The following SH3D19 variants were observed in gnomAD, a reference collection of about 807,000 sequenced individuals.
SH3D19 encodes SH3 domain-containing protein 19.
SH3D19 carries 58 observed loss-of-function variants against 112.1 expected under a neutral mutation model. The observed-to-expected ratio is 0.52, with a 90% CI of 0.42 to 0.64. SH3D19 has a LOEUF of 0.64. Ranked by LOEUF, SH3D19 falls within the 30% of genes least tolerant of loss-of-function variation. SH3D19 has a pLI of 0.00. For synonymous variants in SH3D19, 391 were observed against 448.5 expected, an observed-to-expected ratio of 0.87 and a Z score of 1.62; for missense variants, 1,090 against 1,263.4, an observed-to-expected ratio of 0.86 and a Z score of 2.08.
chr4:151,139,216 C>T (rs192264043), intron 13 of SH3D19, among the ~76,000 whole-genome samples: 2 of 151,776 alleles, frequency 1.3e-5, no homozygotes, highest in East Asian at 3.9e-4. Context: ...TGCAGTGGCG[C>T]GATCTCAGCT....
intron 2 of SH3D19, among the ~76,000 whole-genome samples, chr4:151,190,496 G>A (rs112481837): frequency 0.015 from 2,243 of 152,284 alleles, 44 homozygotes; most frequent in African/African-American, 0.048. Flanking sequence ...TCCCTCTGCT[G>A]TGTGCACTCT....
intron 8 of SH3D19, among the ~76,000 whole-genome samples, chr4:151,160,174 C>A (rs540089317): frequency 2.6e-3 from 399 of 151,762 alleles, no homozygotes; most frequent in Non-Finnish European, 4.0e-3. Context: ...GTAAGCTCCG[C>A]CTCCTGAGTT....
Position 151,253,636 on chromosome 4 carries a change from G to A in SH3D19, c.113-27550C>T, listed in dbSNP as rs1165595892. On this transcript the variant is annotated intron_variant, in intron 1 of 19. Coordinates refer to ENST00000604030, the MANE Select transcript of SH3D19 (RefSeq NM_001378122.1). Reference sequence around the variant, plus strand: ...GGTGCCTGTAGTCTCAGCTACTCAGGAGGCTGACGCAGGAGAATGGTGTGA... The same window carrying A: ...GGTGCCTGTAGTCTCAGCTACTCAGAAGGCTGACGCAGGAGAATGGTGTGA... Among the ~76,000 whole-genome samples the A allele has an allele frequency of 3.3e-5, 5 of 152,132 alleles. No homozygotes were observed. In the East Asian group the frequency reaches 9.7e-4, roughly 29 times the overall value.
At chr4:151,196,102 G>C (rs1465441049) in intron 2 of SH3D19, among the ~76,000 whole-genome samples, 1 of 152,140 alleles carries the variant, frequency 6.6e-6, no homozygotes, top group Non-Finnish European at 1.5e-5. Context: ...CCTGGCAAGA[G>C]AAAGTAGGAC....
chr4:151,185,638 TCACCA>T (rs1245450801), intron 3 of SH3D19, among the ~76,000 whole-genome samples: 1 of 152,220 alleles, frequency 6.6e-6, no homozygotes, highest in Non-Finnish European at 1.5e-5. Context: ...TATTTATAGT[TCACCA>T]ATAAAGAAAA....
At chr4:151,177,678 C>G (rs1760161858) in intron 4 of SH3D19, among the ~76,000 whole-genome samples, 1 of 152,180 alleles carries the variant, frequency 6.6e-6, no homozygotes, top group South Asian at 2.1e-4. Context: ...AGTGCATACT[C>G]TGAAATGCAA....
intron 14 of SH3D19, among the ~76,000 whole-genome samples, chr4:151,136,137 C>G (rs1456637580): frequency 1.3e-5 from 2 of 152,054 alleles, no homozygotes; most frequent in African/African-American, 2.4e-5. Context: ...AGTGGCAACA[C>G]TTTGTTTTAT....
chr4:151,260,789 C>G (rs572834628), intron 1 of SH3D19, among the ~76,000 whole-genome samples: 3 of 152,178 alleles, frequency 2.0e-5, no homozygotes, highest in Non-Finnish European at 4.4e-5. Context: ...GACTGCCAAG[C>G]TCTTTCTCAC....
At chr4:151,321,368 C>T (rs1442905327) in intron 1 of SH3D19, among the ~76,000 whole-genome samples, 2 of 152,156 alleles carry the variant, frequency 1.3e-5, no homozygotes, top group Non-Finnish European at 2.9e-5. Flanking sequence ...CTAGCACTAA[C>T]TAACACTAAC....
chr4:151,169,248 G>A lies in SH3D19; in HGVS notation c.1535-3552C>T, dbSNP rs145683749. 7.4e-3 allele frequency among the ~76,000 whole-genome samples: 1,122 copies of A among 152,132 alleles called. 9 individuals are homozygous for A. The highest frequency in any genetic ancestry group is 0.025 in the African/African-American group (1,041 of 41,512). ...TACCGTTAGCTGTTTTTTAATAACT[G>A]GCACTCAGATAGTGTATAATTATTC... On this transcript the variant is annotated intron_variant, in intron 7 of 19. Coordinates refer to ENST00000604030, the MANE Select transcript of SH3D19 (RefSeq NM_001378122.1).
Position 151,282,449 on chromosome 4 carries a change from T to A in SH3D19, c.112+42792A>T, listed in dbSNP as rs367571113. On this transcript the variant is annotated intron_variant, in intron 1 of 19. Coordinates refer to ENST00000604030, the MANE Select transcript of SH3D19 (RefSeq NM_001378122.1). ...GCAGAGAGAAGGGTTGTTTCATATG[T>A]CATCCTCTTGTACTCCAGAACATTC... 21 of 1,608,170 alleles carry A rather than the reference T, an allele frequency of 1.3e-5. No homozygotes were observed. In the African/African-American group the frequency reaches 2.0e-4, roughly 15 times the overall value.
chr4:151,184,192 T>C (rs1313855618), intron 3 of SH3D19, among the ~76,000 whole-genome samples: 1 of 152,160 alleles, frequency 6.6e-6, no homozygotes, highest in Non-Finnish European at 1.5e-5. Flanking sequence ...GGAACCGGAA[T>C]CATTATGAAA....
chr4:151,249,740 G>A (rs1771213613), intron 1 of SH3D19, among the ~76,000 whole-genome samples: 1 of 152,050 alleles, frequency 6.6e-6, no homozygotes, highest in South Asian at 2.1e-4. Context: ...ATGCTTTGAT[G>A]ACTTTCATTA....
chr4:151,160,388 A>G (rs1202319414), intron 8 of SH3D19, among the ~76,000 whole-genome samples: 2 of 152,230 alleles, frequency 1.3e-5, no homozygotes, highest in African/African-American at 4.8e-5. Flanking sequence ...CATCCGCCCA[A>G]TGTGTTTTCT....
At chr4:151,158,189 T>C (rs1261703804) in intron 9 of SH3D19, among the ~76,000 whole-genome samples, 2 of 152,216 alleles carry the variant, frequency 1.3e-5, no homozygotes, top group Non-Finnish European at 2.9e-5. Context: ...CATCACTATG[T>C]ACCCCAAGAA....
chr4:151,172,456 A>G (rs1265719410), intron 7 of SH3D19, among the ~76,000 whole-genome samples: 1 of 152,190 alleles, frequency 6.6e-6, no homozygotes, highest in Non-Finnish European at 1.5e-5. Flanking sequence ...GTAAAGGCCT[A>G]AAGTGGGGCA....
intron 1 of SH3D19, among the ~76,000 whole-genome samples, chr4:151,312,625 A>G (rs546852894): frequency 2.6e-4 from 39 of 152,300 alleles, no homozygotes; most frequent in Middle Eastern, 3.4e-3. Flanking sequence ...TCGGCCAGGC[A>G]TGGTGGCTCA....
At position 151,199,044 on chromosome 4, in the gene SH3D19, A is replaced by G. The variant is rs6829278; in HGVS notation, c.153-11581T>C. Among the ~76,000 whole-genome samples, 1,392 of 143,396 alleles carry G rather than the reference A, an allele frequency of 9.7e-3. 24 individuals carry two copies. Among genetic ancestry groups the G allele is most frequent in the African/African-American group, 0.034 (1,329 of 38,586 alleles). The allele number at this position is 143,396 out of a possible 152,430, so 94.1% of individuals were successfully genotyped here. On this transcript the variant is annotated intron_variant, in intron 2 of 19. Transcript: ENST00000604030. ...TTTTTTTTTTTTTTTTTGCAAAGCC[A>G]CTGGAGAACTTTCCCATTAGATACC...
chr4:151,138,174 C>G (rs1029061913), intron 13 of SH3D19, among the ~76,000 whole-genome samples: 1 of 151,914 alleles, frequency 6.6e-6, no homozygotes, highest in Admixed American at 6.6e-5. Flanking sequence ...ACACACTGAA[C>G]AATGAAAAAA....
Sources: allele counts gnomAD v4.1 joint callset (sites outside exome capture counted in the v4.1 genomes callset), GRCh38; gene constraint gnomAD v4.1.1; transcripts MANE v1.5; gene names NCBI Gene and HGNC (gene_info 2026-07-23, HGNC 2026-07-21).